MYRFL: variants seen among roughly 807,000 people sequenced by gnomAD.
MYRFL encodes myelin regulatory factor like.
MYRFL carries 88 observed loss-of-function variants against 109.4 expected under a neutral mutation model. That is an observed-to-expected ratio of 0.80 (90% CI 0.68 to 0.96). MYRFL has a LOEUF of 0.96. Ranked by LOEUF, MYRFL falls within the 40% of genes least tolerant of loss-of-function variation. The pLI, the probability that MYRFL is intolerant of heterozygous loss-of-function variation, is 0.00. For missense variants in MYRFL, 957 were observed against 954.9 expected (o/e 1.00, Z -0.03); for synonymous variants, 324 against 320.9 (o/e 1.01, Z -0.10).
chr12:69,955,992 C>T (rs902018777), intron 22 of MYRFL, among the ~76,000 whole-genome samples: 1 of 152,106 alleles, frequency 6.6e-6, no homozygotes, highest in Admixed American at 6.5e-5. Flanking sequence ...TATTACATGA[C>T]ACCATAGCAC....
At chr12:69,935,236 G>A (rs1341797336) in intron 16 of MYRFL, among the ~76,000 whole-genome samples, 4 of 152,144 alleles carry the variant, frequency 2.6e-5, no homozygotes, top group East Asian at 3.9e-4. Flanking sequence ...CACCTTTGAT[G>A]GGAAGCAAAA....
chr12:69,911,288 A>C (rs909078495), intron 13 of MYRFL, among the ~76,000 whole-genome samples: 1 of 152,246 alleles, frequency 6.6e-6, no homozygotes, highest in African/African-American at 2.4e-5. Context: ...TTCATCTTTT[A>C]AAATGGTAAT....
chr12:69,897,354 T>C, intron 10 of MYRFL, 108 bp downstream of exon 10: 2 of 818,664 alleles, frequency 2.4e-6, no homozygotes, highest in South Asian at 3.0e-5. Context: ...ATGATAATGA[T>C]AGTAATGGCA....
At chr12:69,881,505 G>T (rs1886106129) in intron 5 of MYRFL, among the ~76,000 whole-genome samples, 1 of 152,194 alleles carries the variant, frequency 6.6e-6, no homozygotes, top group Non-Finnish European at 1.5e-5. Flanking sequence ...TCTTGCTGGG[G>T]CTGCTGCCTT....
chr12:69,873,394 AT>A (rs200317534), intron 2 of MYRFL, among the ~76,000 whole-genome samples: 4 of 151,586 alleles, frequency 2.6e-5, no homozygotes, highest in African/African-American at 9.7e-5. Context: ...TCAGCACACG[AT>A]TTTTTTTTCT....
intron 12 of MYRFL, 27 bp from the exon 13 acceptor site, chr12:69,910,794 T>TA (rs1954543200): frequency 6.9e-7 from 1 of 1,452,194 alleles, no homozygotes; most frequent in African/African-American, 1.4e-5. Flanking sequence ...CTTTGAAGAT[T>TA]AAACCTGTGG....
chr12:69,932,883 T>TTG (rs542667195), intron 16 of MYRFL, among the ~76,000 whole-genome samples: 4,878 of 52,648 alleles, frequency 0.093, 99 homozygotes, highest in Non-Finnish European at 0.16. Flanking sequence ...GTGTGTGTGT[T>TTG]TGTGTGTGTG....
chr12:69,903,771 T>C lies in MYRFL; in HGVS notation c.1310T>C (p.Val437Ala). The C allele has an allele frequency of 6.5e-7, 1 of 1,535,802 alleles. No homozygotes were observed. The highest frequency in any genetic ancestry group is 8.7e-7 in the Non-Finnish European group (1 of 1,146,664). The change falls in exon 11 of 25, where the codon GTC (valine) becomes GCC (alanine). Residue 437 changes from valine (V) to alanine (A), a missense_variant. Transcript: ENST00000552032. ...NTDAPDEALV[V>A]CGNMKVMGTI... The stretch of plus-strand genomic sequence containing the variant: ...GATGCGCCGGACGAAGCCCTGGTTG[T>C]CTGTGGCAACATGAAAGTGATGGGG...
At chr12:69,853,099 G>T (rs1329745822) in intron 1 of MYRFL, among the ~76,000 whole-genome samples, 1 of 152,228 alleles carries the variant, frequency 6.6e-6, no homozygotes, top group Non-Finnish European at 1.5e-5. Context: ...TGAGCTGTTG[G>T]GTACACCTCC....
chr12:69,920,863 G>T (rs1954889192), intron 13 of MYRFL, among the ~76,000 whole-genome samples: 1 of 152,188 alleles, frequency 6.6e-6, no homozygotes, highest in African/African-American at 2.4e-5. Flanking sequence ...ACTGCCTCTA[G>T]TGCCCATTTA....
intron 5 of MYRFL, among the ~76,000 whole-genome samples, chr12:69,884,233 C>T (rs962622359): frequency 6.6e-6 from 1 of 152,168 alleles, no homozygotes; most frequent in Non-Finnish European, 1.5e-5. Flanking sequence ...TGGGACAGCA[C>T]CTGTGGTGCA....
intron 1 of MYRFL, among the ~76,000 whole-genome samples, chr12:69,839,932 C>T (rs1883149567): frequency 6.6e-6 from 1 of 152,200 alleles, no homozygotes; most frequent in African/African-American, 2.4e-5. Flanking sequence ...ACAGGAATTG[C>T]ACTATCCTAG....
rs61430519 is a variant in MYRFL, at chr12:69,930,813, G to GAA, written c.1831-1683_1831-1682dup. ...GGTGACAAAGCAAGACCCTATCTAA[G>GAA]AAAAAAAAAAAAAAAAAAGAACACG... On this transcript the variant is annotated intron_variant, in intron 15 of 24. Coordinates refer to ENST00000552032, the MANE Select transcript of MYRFL (RefSeq NM_182530.3). Among the ~76,000 whole-genome samples the GAA allele has an allele frequency of 1.3e-3, 173 of 128,354 alleles. 2 individuals are homozygous for GAA. The highest frequency in any genetic ancestry group is 2.3e-3 in the South Asian group (9 of 3,846). The allele number at this position is 128,354 out of a possible 152,430, so 84.2% of individuals were successfully genotyped here. A position where few individuals can be genotyped will look rare whatever the true frequency, so the allele number is the denominator to read the frequency against.
intron 10 of MYRFL, among the ~76,000 whole-genome samples, chr12:69,901,190 A>C (rs572182945): frequency 6.6e-6 from 1 of 152,332 alleles, no homozygotes; most frequent in Non-Finnish European, 1.5e-5. Context: ...AACAATAAAA[A>C]TATTTTAGAC....
rs528914077 is a variant in MYRFL at position 69,870,491 on chromosome 12, AAC to A, written c.138-8533_138-8532del. 9.7e-4 allele frequency among the ~76,000 whole-genome samples: 147 copies of A among 152,218 alleles called. 1 individual carries two copies. Among genetic ancestry groups the A allele is most frequent in the African/African-American group, 3.4e-3 (142 of 41,528 alleles). ...GACAAGTTTGGCGCACAAAGACTGA[AAC>A]ACAGTCTGATGTGCATTTCTGGGAT... On this transcript the variant is annotated intron_variant, in intron 2 of 24. Coordinates refer to ENST00000552032, the MANE Select transcript of MYRFL (RefSeq NM_182530.3).
intron 16 of MYRFL, among the ~76,000 whole-genome samples, chr12:69,935,391 T>C (rs1424224456): frequency 6.6e-6 from 1 of 151,882 alleles, no homozygotes; most frequent in Non-Finnish European, 1.5e-5. Flanking sequence ...GTTCTGAAGA[T>C]GTCCCCCAAA....
chr12:69,937,123 G>T (rs1409366078), intron 19 of MYRFL, among the ~76,000 whole-genome samples: 1 of 151,530 alleles, frequency 6.6e-6, no homozygotes, highest in Non-Finnish European at 1.5e-5. Context: ...TCCTCCTAGG[G>T]ACACACACAC....
intron 1 of MYRFL, among the ~76,000 whole-genome samples, chr12:69,845,097 C>G (rs1391598378): frequency 6.6e-6 from 1 of 152,122 alleles, no homozygotes; most frequent in Admixed American, 6.5e-5. Flanking sequence ...GAGAGGCATC[C>G]GCATAGAAAA....
At chr12:69,914,769 A>G (rs534168141) in intron 13 of MYRFL, among the ~76,000 whole-genome samples, 45 of 152,274 alleles carry the variant, frequency 3.0e-4, no homozygotes, top group African/African-American at 1.0e-3. Flanking sequence ...TTCATGTGTC[A>G]CCTGAGGAGA....
Sources: allele counts gnomAD v4.1 joint callset (sites outside exome capture counted in the v4.1 genomes callset), GRCh38; gene constraint gnomAD v4.1.1; transcripts MANE v1.5; gene names NCBI Gene and HGNC (gene_info 2026-07-23, HGNC 2026-07-21).